The following STAT5B variants were observed in gnomAD, a reference collection of about 807,000 sequenced individuals.
The protein encoded by STAT5B is signal transducer and activator of transcription 5B.
Under a neutral mutation model 107.8 loss-of-function variants are expected in STAT5B, and 21 were observed. The observed-to-expected ratio is 0.19, with a 90% CI of 0.14 to 0.28. The LOEUF is 0.28. Ranked by LOEUF, STAT5B falls within the 10% of genes least tolerant of loss-of-function variation. STAT5B has a pLI of 1.00. For synonymous variants in STAT5B, 325 were observed against 401.7 expected (o/e 0.81, Z 2.28); for missense variants, 565 against 1,008.2 (o/e 0.56, Z 5.95).
intron 1 of STAT5B, among the ~76,000 whole-genome samples, chr17:42,239,778 T>C (rs1341291606): frequency 6.6e-6 from 1 of 152,204 alleles, no homozygotes; most frequent in East Asian, 1.9e-4. Flanking sequence ...CATTATCCAG[T>C]AGTTCCACTC....
intron 1 of STAT5B, among the ~76,000 whole-genome samples, chr17:42,246,125 T>C (rs1368811117): frequency 6.6e-6 from 1 of 152,224 alleles, no homozygotes; most frequent in East Asian, 1.9e-4. Context: ...TTTGATTAAA[T>C]TGTGTTTAAA....
At position 42,202,765 on chromosome 17, in the gene STAT5B, C is replaced by G; in HGVS notation, c.2121G>C (p.Val707=). 2 of 1,614,128 alleles carry G rather than the reference C, an allele frequency of 1.2e-6. No individual in the cohort carries two copies. The highest frequency in any genetic ancestry group is 1.7e-6 in the Non-Finnish European group (2 of 1,180,042). ...GCCACCTGGACACTTACTCAGGGAC[C>G]ACTTGCTTGATCTGTGGCTTCACGT... The part of the protein sequence containing the change: ...DGYVKPQIKQ[V]VPEFVNASAD... The change falls in exon 17 of 19, where the codon GTG becomes GTC. Residue 707 remains valine (V), a synonymous_variant. Transcript: ENST00000293328.
chr17:42,218,093 T>C (rs2080188806), intron 9 of STAT5B, 58 bp downstream of exon 9: 2 of 1,580,708 alleles, frequency 1.3e-6, no homozygotes, highest in African/African-American at 1.4e-5. Context: ...AATTCTTTTT[T>C]TCCTGTTGCC....
At chr17:42,247,040 A>G (rs2080457846) in intron 1 of STAT5B, among the ~76,000 whole-genome samples, 1 of 152,112 alleles carries the variant, frequency 6.6e-6, no homozygotes, top group Non-Finnish European at 1.5e-5. Flanking sequence ...CCTAAAACCA[A>G]CGCAGGGTTT....
At chr17:42,206,271 G>C (rs2144205934) in intron 16 of STAT5B, among the ~76,000 whole-genome samples, 1 of 152,214 alleles carries the variant, frequency 6.6e-6, no homozygotes, top group Middle Eastern at 3.4e-3. Flanking sequence ...TGTATTTTTA[G>C]TAGAGATGGG....
Position 42,216,133 on chromosome 17 carries a change from C to T in STAT5B, c.1381-27G>A, listed in dbSNP as rs556351141. The stretch of plus-strand genomic sequence containing the variant: ...TAAAAAGACACAAGAGAAGGCTGAG[C>T]GCCCACGAGCCTCAAGTTCTTCTCC... On this transcript the variant is annotated intron_variant, in intron 11 of 18. Transcript: ENST00000293328. The T allele has an allele frequency of 8.8e-6, 14 of 1,592,930 alleles. No homozygotes were observed. In the East Asian group the frequency reaches 9.0e-5, roughly 10 times the overall value.
intron 1 of STAT5B, among the ~76,000 whole-genome samples, chr17:42,259,544 T>C (rs1354034033): frequency 6.6e-6 from 1 of 152,108 alleles, no homozygotes; most frequent in South Asian, 2.1e-4. Flanking sequence ...CCTAACAGTT[T>C]GGAAGGCCAA....
At position 42,218,219 on chromosome 17, in the gene STAT5B, G is replaced by C. The variant is rs61749920; in HGVS notation, c.1101C>G (p.Pro367=). 6.8e-6 allele frequency: 11 copies of C among 1,614,028 alleles called. No homozygotes were observed. Among genetic ancestry groups the C allele is most frequent in the East Asian group, 2.2e-5 (1 of 44,900 alleles). ...CACTGATGATGGTGGCCTTCACCTG[G>C]GGGGGGTTCATGTGCACGTTCAGCT... ...GGKLNVHMNP[P]QVKATIISEQ... is the part of the protein sequence containing the mutation. Residue 367 remains proline (P), a synonymous_variant, in exon 9 of 19, where the codon CCC becomes CCG. Coordinates refer to ENST00000293328, the MANE Select transcript of STAT5B (RefSeq NM_012448.4).
chr17:42,267,860 G>A (rs2080687412), intron 1 of STAT5B, among the ~76,000 whole-genome samples: 1 of 151,582 alleles, frequency 6.6e-6, no homozygotes, highest in African/African-American at 2.4e-5. Context: ...TCGGGAGGCT[G>A]AGGAAGGAGA....
chr17:42,209,259 T>G (rs2080110107), intron 15 of STAT5B, among the ~76,000 whole-genome samples: 1 of 150,858 alleles, frequency 6.6e-6, no homozygotes, highest in Non-Finnish European at 1.5e-5. Flanking sequence ...CTTACTATGT[T>G]GCCCAAGCTG....
intron 1 of STAT5B, among the ~76,000 whole-genome samples, chr17:42,262,040 G>GT (rs1355831853): frequency 6.6e-6 from 1 of 152,102 alleles, no homozygotes; most frequent in African/African-American, 2.4e-5. Context: ...CATGAAATAA[G>GT]TAAGTCTACT....
At chr17:42,256,385 C>T (rs1241794143) in intron 1 of STAT5B, among the ~76,000 whole-genome samples, 1 of 152,088 alleles carries the variant, frequency 6.6e-6, no homozygotes, top group Non-Finnish European at 1.5e-5. Flanking sequence ...CCAGCCCCCT[C>T]TCTTTTCTTT....
chr17:42,279,737 G>A (rs999475702), upstream of STAT5B, among the ~76,000 whole-genome samples: 9 of 151,734 alleles, frequency 5.9e-5, no homozygotes, highest in Non-Finnish European at 1.3e-4. Context: ...GGAGGCGGAG[G>A]TTGCGGTGAG....
chr17:42,263,744 C>T (rs1348346720), intron 1 of STAT5B, among the ~76,000 whole-genome samples: 1 of 151,986 alleles, frequency 6.6e-6, no homozygotes, highest in African/African-American at 2.4e-5. Flanking sequence ...CCAGGCTGAT[C>T]TTGAACTCCT....
Position 42,201,814 on chromosome 17 carries a change from A to C in STAT5B, c.2288T>G (p.Met763Arg). Residue 763 changes from methionine (M) to arginine (R), a missense_variant, in exon 19 of 19, where the codon ATG becomes AGG. This residue lies in a region of STAT5B where 76 missense variants were observed against 110.2 expected (regional missense o/e 0.69). Transcript: ENST00000293328. ...TDGDFDLEDT[M>R]DVARRVEELL... ...CTCCTCCACACGCCGCGCTACGTCC[A>C]TTGTGTCCTCCAGATCGAAGTCCCC... 3.7e-6 allele frequency: 6 copies of C among 1,614,110 alleles called. No homozygotes were observed. The highest frequency in any genetic ancestry group is 5.1e-6 in the Non-Finnish European group (6 of 1,180,000).
rs1016767484 is a variant in STAT5B, at chr17:42,201,505, C to T, written c.*233G>A. The T allele has an allele frequency of 9.5e-6, 6 of 631,418 alleles. No individual in the cohort carries two copies. The highest frequency in any genetic ancestry group is 2.3e-5 in the Admixed American group (1 of 43,748). The allele number at this position is 631,418 out of a possible 1,614,324, so 39.1% of individuals were successfully genotyped here. On this transcript the variant is annotated 3_prime_UTR_variant, in exon 19 of 19. Coordinates refer to ENST00000293328, the MANE Select transcript of STAT5B (RefSeq NM_012448.4). ...ACTCTCAGACAGTGAGAGGGAGAAA[C>T]ACCATAACGTGCAAACACGCACACA...
At chr17:42,208,460 C>T (rs1309599387) in intron 15 of STAT5B, among the ~76,000 whole-genome samples, 1 of 151,674 alleles carries the variant, frequency 6.6e-6, no homozygotes, top group Admixed American at 6.6e-5. Context: ...CATGACACTG[C>T]ACTCCAGCCT....
intron 1 of STAT5B, among the ~76,000 whole-genome samples, chr17:42,249,344 G>T: frequency 6.6e-6 from 1 of 152,118 alleles, no homozygotes; most frequent in East Asian, 1.9e-4. Context: ...AGAGAGCCAA[G>T]ATTGCACCAC....
chr17:42,274,485 A>C (rs934876838), intron 1 of STAT5B, among the ~76,000 whole-genome samples: 2 of 152,172 alleles, frequency 1.3e-5, no homozygotes, highest in Non-Finnish European at 2.9e-5. Flanking sequence ...TCTTAAAATC[A>C]GCAGCCCCTT....
Sources: allele counts gnomAD v4.1 joint callset (sites outside exome capture counted in the v4.1 genomes callset), GRCh38; gene constraint gnomAD v4.1.1; regional missense constraint gnomAD v4.1.1; transcripts MANE v1.5; gene names NCBI Gene and HGNC (gene_info 2026-07-23, HGNC 2026-07-21).